GAP43: variants seen among roughly 807,000 people sequenced by gnomAD.
GAP43 encodes the protein growth associated protein 43.
Under a neutral mutation model 18.6 loss-of-function variants are expected in GAP43, and 6 were observed. The ratio of observed to expected loss-of-function variants is 0.32; its 90% CI spans 0.18 to 0.64. GAP43 has a LOEUF of 0.64. Among genes scored for constraint, GAP43 ranks in the 30% least tolerant of loss-of-function variants. GAP43 has a pLI of 0.78. For synonymous variants in GAP43, 115 were observed against 111.4 expected (o/e 1.03, Z -0.20); for missense variants, 292 against 295.5 (o/e 0.99, Z 0.09).
At chr3:115,690,103 G>A (rs1044716978) in intron 2 of GAP43, among the ~76,000 whole-genome samples, 2 of 152,208 alleles carry the variant, frequency 1.3e-5, no homozygotes, top group Admixed American at 6.5e-5. Context: ...CAGCACTAGC[G>A]CTCTCTGTTC....
chr3:115,631,307 T>A (rs926369402), intron 1 of GAP43, among the ~76,000 whole-genome samples: 1 of 152,174 alleles, frequency 6.6e-6, no homozygotes, highest in African/African-American at 2.4e-5. Flanking sequence ...TGTCATGTGA[T>A]GTTGGGTAAG....
chr3:115,646,275 T>A (rs1344504453), intron 1 of GAP43, among the ~76,000 whole-genome samples: 9 of 152,100 alleles, frequency 5.9e-5, no homozygotes, highest in Admixed American at 5.9e-4. Flanking sequence ...GCCAACTGTT[T>A]ATATGCACAG....
chr3:115,712,160 C>G (rs1442188079), intron 2 of GAP43, among the ~76,000 whole-genome samples: 2 of 151,936 alleles, frequency 1.3e-5, no homozygotes, highest in African/African-American at 4.8e-5. Context: ...TGGGTTTTTT[C>G]TCCATTCAGA....
chr3:115,636,381 CT>C (rs1708331044), intron 1 of GAP43, among the ~76,000 whole-genome samples: 1 of 152,100 alleles, frequency 6.6e-6, no homozygotes, highest in Admixed American at 6.6e-5. Flanking sequence ...CACATATGCT[CT>C]TTTCATCTTC....
At chr3:115,648,467 A>G (rs1708484733) in intron 1 of GAP43, among the ~76,000 whole-genome samples, 1 of 152,174 alleles carries the variant, frequency 6.6e-6, no homozygotes, top group African/African-American at 2.4e-5. Context: ...AGAAATAAAT[A>G]TGATTATAAG....
intron 1 of GAP43, among the ~76,000 whole-genome samples, chr3:115,637,855 A>G (rs755468012): frequency 1.6e-4 from 24 of 151,778 alleles, no homozygotes; most frequent in Non-Finnish European, 2.9e-4. Context: ...CAGAAACAGA[A>G]CCCTTATATC....
chr3:115,697,623 C>A (rs575481789), intron 2 of GAP43, among the ~76,000 whole-genome samples: 1 of 152,278 alleles, frequency 6.6e-6, no homozygotes, highest in East Asian at 1.9e-4. Context: ...TCTTTCAATG[C>A]AAAGGATATA....
At chr3:115,711,865 A>G (rs1709443618) in intron 2 of GAP43, among the ~76,000 whole-genome samples, 1 of 152,222 alleles carries the variant, frequency 6.6e-6, no homozygotes, top group African/African-American at 2.4e-5. Flanking sequence ...TTTAACCTTT[A>G]GAAGTTGACT....
chr3:115,658,883 C>T (rs1708620800), intron 1 of GAP43: 1 of 152,480 alleles, frequency 6.6e-6, no homozygotes, highest in South Asian at 2.1e-4. Context: ...CTCCTTCGCC[C>T]TTCTTGGCCC....
Position 115,624,443 on chromosome 3 carries a change from G to C in GAP43, c.30+724G>C, listed in dbSNP as rs28370253. 6.4e-4 allele frequency among the ~76,000 whole-genome samples: 97 copies of C among 152,172 alleles called. 1 individual carries two copies. The East Asian group carries it at 0.018, about 28-fold the overall frequency. On this transcript the variant is annotated intron_variant, in intron 1 of 2. Transcript: ENST00000305124. ...GAGAGGGTGGACCACGCCCCTAGGAGCTCCGATGGGATGGGAAAGACAGCC... is the reference window on the plus strand; with the variant it reads ...GAGAGGGTGGACCACGCCCCTAGGACCTCCGATGGGATGGGAAAGACAGCC...
chr3:115,717,669 CTTTTTTT>C, intron 2 of GAP43, among the ~76,000 whole-genome samples: 1 of 135,638 alleles, frequency 7.4e-6, no homozygotes, highest in East Asian at 2.1e-4. Context: ...AAGGATTTTG[CTTTTTTT>C]TTTTTTTTTC....
chr3:115,670,622 C>T (rs189846597), intron 1 of GAP43, among the ~76,000 whole-genome samples: 4 of 152,172 alleles, frequency 2.6e-5, no homozygotes, highest in Admixed American at 1.3e-4. Flanking sequence ...AAGTCAATTG[C>T]CATGGTATCA....
intron 1 of GAP43, among the ~76,000 whole-genome samples, chr3:115,640,950 C>G (rs1224382015): frequency 7.3e-6 from 1 of 137,912 alleles, no homozygotes; most frequent in African/African-American, 2.6e-5. Context: ...TTTCTTTCTC[C>G]CTCCCTCCCT....
In GAP43 at chr3:115,676,367, G is replaced by C; in HGVS notation, c.385G>C (p.Ala129Pro). 1 of 1,614,080 alleles carries C rather than the reference G, an allele frequency of 6.2e-7. No individual in the cohort carries two copies. Among genetic ancestry groups the C allele is most frequent in the Non-Finnish European group, 8.5e-7 (1 of 1,179,972 alleles). Residue 129 changes from alanine to proline, a missense_variant, in exon 2 of 3, where the codon GCA (alanine) becomes CCA (proline). Ala to Pro is a conservative substitution (Grantham distance 27, BLOSUM62 -1). Transcript: ENST00000305124. ...AGAGCAGGCAGCCCCCCAGGCTCCT[G>C]CATCCTCAGAGGAGAAGGCCGGCTC... is the stretch of plus-strand genomic sequence containing the variant. The part of the protein sequence containing the change: ...ATEQAAPQAP[A>P]SSEEKAGSAE...
chr3:115,713,823 T>A (rs1335718040), intron 2 of GAP43, among the ~76,000 whole-genome samples: 2 of 152,220 alleles, frequency 1.3e-5, no homozygotes, highest in Non-Finnish European at 2.9e-5. Context: ...CTTAGTGTGG[T>A]TTTGATCTTT....
At chr3:115,669,187 G>T (rs544522552) in intron 1 of GAP43, among the ~76,000 whole-genome samples, 1 of 152,044 alleles carries the variant, frequency 6.6e-6, no homozygotes, top group South Asian at 2.1e-4. Context: ...TCAAGTGCTT[G>T]TTTATTATTA....
At chr3:115,712,057 A>G (rs1477581364) in intron 2 of GAP43, among the ~76,000 whole-genome samples, 1 of 152,154 alleles carries the variant, frequency 6.6e-6, no homozygotes, top group Non-Finnish European at 1.5e-5. Flanking sequence ...GATTTGATAG[A>G]CATTTTTTAT....
chr3:115,648,495 A>G (rs566144414), intron 1 of GAP43, among the ~76,000 whole-genome samples: 1 of 152,270 alleles, frequency 6.6e-6, no homozygotes, highest in East Asian at 1.9e-4. Flanking sequence ...GCTTAGATTT[A>G]CTGGAATGGA....
In GAP43 at chr3:115,677,508, C is replaced by T. The variant is rs550083245; in HGVS notation, c.628+898C>T. 2.2e-4 allele frequency among the ~76,000 whole-genome samples: 33 copies of T among 152,284 alleles called. No homozygotes were observed. In the East Asian group the frequency reaches 2.9e-3, roughly 13 times the overall value. ...GAGCAAGATAAATTCAACAGAGTTT[C>T]GTCCCTGGAGACTAGATCCTTCCCT... On this transcript the variant is annotated intron_variant, in intron 2 of 2. Transcript: ENST00000305124.
Sources: allele counts gnomAD v4.1 joint callset (sites outside exome capture counted in the v4.1 genomes callset), GRCh38; gene constraint gnomAD v4.1.1; transcripts MANE v1.5; gene names NCBI Gene and HGNC (gene_info 2026-07-23, HGNC 2026-07-21).